The following AGBL4 variants were observed in gnomAD, a reference collection of about 807,000 sequenced individuals.
The protein encoded by AGBL4 is cytosolic carboxypeptidase 6.
Under a neutral mutation model 66.4 loss-of-function variants are expected in AGBL4, and 58 were observed. The observed-to-expected ratio is 0.87, with a 90% CI of 0.71 to 1.09. AGBL4 has a LOEUF of 1.09. AGBL4 is among the 50% of genes least tolerant of loss of function. The pLI is 0.00. For missense variants in AGBL4, 579 were observed against 631.0 expected (o/e 0.92, Z 0.88); for synonymous variants, 234 against 222.9 (o/e 1.05, Z -0.44).
At chr1:49,639,767 C>A (rs1645745529) in intron 3 of AGBL4, among the ~76,000 whole-genome samples, 1 of 151,958 alleles carries the variant, frequency 6.6e-6, no homozygotes, top group South Asian at 2.1e-4. Context: ...GAGGAACTGG[C>A]CAAATACTGC....
intron 3 of AGBL4, among the ~76,000 whole-genome samples, chr1:49,338,288 C>T (rs1423574325): frequency 7.9e-5 from 12 of 152,122 alleles, no homozygotes; most frequent in Admixed American, 5.2e-4. Flanking sequence ...TCATTTAACC[C>T]GGAACACATT....
intron 3 of AGBL4, among the ~76,000 whole-genome samples, chr1:49,528,825 C>A (rs1650872568): frequency 6.6e-6 from 1 of 151,960 alleles, no homozygotes; most frequent in Non-Finnish European, 1.5e-5. Context: ...AGTTTGAGAT[C>A]CTATGGTTTA....
At chr1:49,609,871 A>G (rs1645123551) in intron 3 of AGBL4, among the ~76,000 whole-genome samples, 1 of 152,182 alleles carries the variant, frequency 6.6e-6, no homozygotes, top group South Asian at 2.1e-4. Flanking sequence ...CTTCCTTTGC[A>G]TAGTTGTAAG....
chr1:48,605,819 G>A (rs931586816), intron 9 of AGBL4, among the ~76,000 whole-genome samples: 6 of 152,194 alleles, frequency 3.9e-5, no homozygotes, highest in Admixed American at 2.0e-4. Flanking sequence ...CAGGGAGAGA[G>A]AAAGGCAGAC....
At chr1:48,684,683 A>C (rs1450511883) in intron 6 of AGBL4, among the ~76,000 whole-genome samples, 1 of 152,214 alleles carries the variant, frequency 6.6e-6, no homozygotes, top group Non-Finnish European at 1.5e-5. Context: ...CCTAAAAGGC[A>C]TCAGACACCA....
chr1:49,688,358 A>C (rs796902326), intron 3 of AGBL4, among the ~76,000 whole-genome samples: 2 of 152,164 alleles, frequency 1.3e-5, no homozygotes, highest in Non-Finnish European at 1.5e-5. Flanking sequence ...GGCTTGTTTC[A>C]CTTAACATAA....
chr1:48,726,534 T>A (rs1647285257), intron 6 of AGBL4, among the ~76,000 whole-genome samples: 2 of 152,136 alleles, frequency 1.3e-5, no homozygotes, highest in Admixed American at 6.5e-5. Flanking sequence ...ATATTAACTA[T>A]CTGTTATTAT....
chr1:49,931,275 A>G (rs1052008481), intron 1 of AGBL4, among the ~76,000 whole-genome samples: 2 of 152,234 alleles, frequency 1.3e-5, no homozygotes, highest in African/African-American at 2.4e-5. Context: ...AAGATATACT[A>G]TATTCATGAG....
At chr1:48,752,058 A>G (rs1417131882) in intron 6 of AGBL4, among the ~76,000 whole-genome samples, 1 of 152,224 alleles carries the variant, frequency 6.6e-6, no homozygotes, top group Non-Finnish European at 1.5e-5. Flanking sequence ...TAAGCAGGAT[A>G]CAACAGTTTT....
chr1:49,477,356 T>C (rs960875801), intron 3 of AGBL4, among the ~76,000 whole-genome samples: 9 of 152,064 alleles, frequency 5.9e-5, no homozygotes, highest in Admixed American at 2.0e-4. Context: ...TAGATCCACG[T>C]AGCTTAGAGT....
At chr1:49,762,602 C>T (rs531608330) in intron 2 of AGBL4, among the ~76,000 whole-genome samples, 26 of 152,024 alleles carry the variant, frequency 1.7e-4, no homozygotes, top group Non-Finnish European at 3.1e-4. Flanking sequence ...TTAGTAGAGA[C>T]GGCGTTTCAC....
chr1:48,697,313 C>A (rs539294136), intron 6 of AGBL4, among the ~76,000 whole-genome samples: 3 of 152,140 alleles, frequency 2.0e-5, no homozygotes, highest in South Asian at 2.1e-4. Context: ...CAGCATGGCG[C>A]CCTGAGAATC....
chr1:48,798,859 C>T (rs2148740013), intron 6 of AGBL4, among the ~76,000 whole-genome samples: 1 of 152,248 alleles, frequency 6.6e-6, no homozygotes, highest in East Asian at 1.9e-4. Flanking sequence ...GTCCTCTATT[C>T]TGTTTCAATA....
chr1:49,922,008 A>G (rs527700131), intron 1 of AGBL4, among the ~76,000 whole-genome samples: 3 of 152,300 alleles, frequency 2.0e-5, no homozygotes, highest in East Asian at 3.9e-4. Context: ...AACCATCACC[A>G]TCTTGTTTTC....
chr1:48,646,598 T>C lies in AGBL4; in HGVS notation c.839+6739A>G, dbSNP rs1463282730. On this transcript the variant is annotated intron_variant, in intron 8 of 13. Transcript: ENST00000371839. Reference sequence around the variant, plus strand: ...TTCCCTGGTGGTTTACCCTCTGCTATGGTTAATGAAGTTTTGTTGTGTAAA... The same window carrying C: ...TTCCCTGGTGGTTTACCCTCTGCTACGGTTAATGAAGTTTTGTTGTGTAAA... 7.3e-5 allele frequency among the ~76,000 whole-genome samples: 11 copies of C among 150,536 alleles called. No individual in the cohort carries two copies. In the East Asian group the frequency reaches 2.2e-3, roughly 30 times the overall value.
intron 4 of AGBL4, among the ~76,000 whole-genome samples, chr1:49,065,416 A>G (rs549695293): frequency 7.2e-5 from 11 of 152,352 alleles, no homozygotes; most frequent in African/African-American, 2.2e-4. Context: ...GACAGAGGGT[A>G]TAGCTTATGT....
intron 3 of AGBL4, among the ~76,000 whole-genome samples, chr1:49,638,811 T>A (rs1270971807): frequency 6.6e-6 from 1 of 152,168 alleles, no homozygotes; most frequent in Non-Finnish European, 1.5e-5. Flanking sequence ...CAGTCTTAGG[T>A]ATTTTCTTCA....
chr1:48,698,470 C>T (rs180814232), intron 6 of AGBL4, among the ~76,000 whole-genome samples: 8 of 152,304 alleles, frequency 5.3e-5, no homozygotes, highest in East Asian at 1.9e-4. Flanking sequence ...TGTTGGTGGC[C>T]GAGACCAGAT....
chr1:49,584,218 C>G (rs1255542616), intron 3 of AGBL4, among the ~76,000 whole-genome samples: 2 of 152,140 alleles, frequency 1.3e-5, no homozygotes, highest in Admixed American at 1.3e-4. Flanking sequence ...TTTATCAGGG[C>G]AGGAAGATTA....
Sources: gnomAD v4.1 joint callset for allele counts (sites outside exome capture counted in the v4.1 genomes callset) on GRCh38, gnomAD v4.1.1 for gene constraint, MANE v1.5 for transcripts, NCBI Gene and HGNC (gene_info 2026-07-23, HGNC 2026-07-21) for gene names.